MLLT10: variants seen among roughly 807,000 people sequenced by gnomAD.
MLLT10 encodes the protein MLLT10 histone lysine methyltransferase DOT1L cofactor.
In MLLT10, 30 loss-of-function variants were observed where a neutral mutation model predicts 129.1. The ratio of observed to expected loss-of-function variants is 0.23; its 90% CI spans 0.17 to 0.32. MLLT10 has a LOEUF of 0.32. Ranked by LOEUF, MLLT10 falls within the 10% of genes least tolerant of loss-of-function variation. The probability of loss-of-function intolerance (pLI) is 1.00; values close to 1 mark genes in which losing one functional copy is unlikely to be tolerated. For missense variants in MLLT10, 1,119 were observed against 1,268.3 expected, an observed-to-expected ratio of 0.88 and a Z score of 1.79; for synonymous variants, 490 against 446.4, an observed-to-expected ratio of 1.10 and a Z score of -1.23.
At chr10:21,703,694 A>G (rs1465891372) in intron 13 of MLLT10, among the ~76,000 whole-genome samples, 2 of 151,888 alleles carry the variant, frequency 1.3e-5, no homozygotes, top group African/African-American at 4.8e-5. Context: ...ACAGGTGTGC[A>G]CCACTACCAC....
intron 3 of MLLT10, among the ~76,000 whole-genome samples, chr10:21,547,527 C>CTTTTT (rs869057298): frequency 7.4e-6 from 1 of 135,144 alleles, no homozygotes; most frequent in Non-Finnish European, 1.6e-5. Context: ...CTGTTTTTTT[C>CTTTTT]TTTTTTTTTT....
chr10:21,703,028 T>G (rs1489879225), intron 13 of MLLT10, among the ~76,000 whole-genome samples: 2 of 152,168 alleles, frequency 1.3e-5, no homozygotes, highest in African/African-American at 4.8e-5. Flanking sequence ...TTTGTGGTTT[T>G]CTGTAGGGGT....
At chr10:21,613,394 T>C (rs1201196952) in intron 6 of MLLT10, among the ~76,000 whole-genome samples, 1 of 152,148 alleles carries the variant, frequency 6.6e-6, no homozygotes, top group African/African-American at 2.4e-5. Flanking sequence ...GTTTTTAGTG[T>C]GTAGTTATAT....
At chr10:21,657,534 C>T (rs1164668011) in intron 9 of MLLT10, among the ~76,000 whole-genome samples, 3 of 151,686 alleles carry the variant, frequency 2.0e-5, no homozygotes, top group African/African-American at 7.3e-5. Context: ...ACAAATTGAA[C>T]CTCACAGCTT....
intron 3 of MLLT10, among the ~76,000 whole-genome samples, chr10:21,560,492 A>C (rs538379486): frequency 6.6e-6 from 1 of 152,136 alleles, no homozygotes; most frequent in African/African-American, 2.4e-5. Context: ...ATTGAAGTGC[A>C]GTGGCTTAAA....
chr10:21,610,975 CTT>C (rs1308309662), intron 5 of MLLT10, among the ~76,000 whole-genome samples: 2 of 108,346 alleles, frequency 1.8e-5, no homozygotes, highest in African/African-American at 6.5e-5. Context: ...GTTTTTCTTT[CTT>C]TTTTCTCTTT....
chr10:21,721,724 G>A (rs1258885876), intron 14 of MLLT10, among the ~76,000 whole-genome samples: 2 of 152,026 alleles, frequency 1.3e-5, no homozygotes, highest in East Asian at 1.9e-4. Context: ...ACTTGCAGAC[G>A]TTTAATATAT....
intron 3 of MLLT10, among the ~76,000 whole-genome samples, chr10:21,542,703 A>G (rs1368403846): frequency 6.6e-6 from 1 of 152,186 alleles, no homozygotes; most frequent in Non-Finnish European, 1.5e-5. Flanking sequence ...AGCCTGGACA[A>G]CATAGTGAGA....
At position 21,580,389 on chromosome 10, in the gene MLLT10, A is replaced by ATT. The variant is rs113206788; in HGVS notation, c.241-5890_241-5889dup. Among the ~76,000 whole-genome samples the ATT allele has an allele frequency of 3.1e-3, 401 of 129,662 alleles. 4 individuals are homozygous for ATT. Among genetic ancestry groups the ATT allele is most frequent in the Middle Eastern group, 4.2e-3 (1 of 238 alleles). The allele number at this position is 129,662 out of a possible 152,430, so 85.1% of individuals were successfully genotyped here. A position where few individuals can be genotyped will look rare whatever the true frequency, so the allele number is the denominator to read the frequency against. On this transcript the variant is annotated intron_variant, in intron 3 of 22. Transcript: ENST00000307729. The stretch of plus-strand genomic sequence containing the variant: ...ACAGTCCTATTAATATATTTTGTGT[A>ATT]TTTTTTTTTTTTTTTTCGAGATGGA...
Position 21,726,681 on chromosome 10 carries a change from C to CTTTTTTT in MLLT10, c.1990+345_1990+351dup, listed in dbSNP as rs35036202. On this transcript the variant is annotated intron_variant, in intron 15 of 22. Transcript: ENST00000307729. ...TGCTGTGCTGCAAAATAGCAATGTC[C>CTTTTTTT]TTTTTTTTTTTTTTTTTTTTTTTTT... Among the ~76,000 whole-genome samples, 712 of 87,582 alleles carry CTTTTTTT rather than the reference C, an allele frequency of 8.1e-3. 1 individual carries two copies. The highest frequency in any genetic ancestry group is 0.018 in the East Asian group (38 of 2,160). The allele number at this position is 87,582 out of a possible 152,430, so 57.5% of individuals were successfully genotyped here.
intron 16 of MLLT10, 68 bp downstream of exon 16, chr10:21,727,996 C>T: frequency 7.7e-7 from 1 of 1,293,214 alleles, no homozygotes; most frequent in South Asian, 1.3e-5. Context: ...TTTCTTATCT[C>T]ATATCAGTAG....
Position 21,673,507 on chromosome 10 carries a change from G to A in MLLT10, c.1209G>A (p.Glu403=), listed in dbSNP as rs781599601. The change falls in exon 11 of 23, where the codon GAG becomes GAA. Residue 403 remains glutamate, a synonymous_variant. Coordinates refer to ENST00000307729, the MANE Select transcript of MLLT10 (RefSeq NM_001195626.3). ...CAACCAAAGATGTACATAAAGGAGAGTCTGGAAGCCAGGAAGGGGGGGTAA... is the reference window on the plus strand; with the variant it reads ...CAACCAAAGATGTACATAAAGGAGAATCTGGAAGCCAGGAAGGGGGGGTAA... ...SSATKDVHKG[E]SGSQEGGVNS... 1.2e-6 allele frequency: 2 copies of A among 1,613,718 alleles called. No individual in the cohort carries two copies. Among genetic ancestry groups the A allele is most frequent in the South Asian group, 1.1e-5 (1 of 91,038 alleles).
rs142429585 is a variant in MLLT10 at position 21,643,322 on chromosome 10, C to T, written c.700-8351C>T. Among the ~76,000 whole-genome samples, 93 of 152,284 alleles carry T rather than the reference C, an allele frequency of 6.1e-4. No homozygotes were observed. In the East Asian group the frequency reaches 0.017, roughly 27 times the overall value. The stretch of plus-strand genomic sequence containing the variant: ...TACTGGGGTTACAGGTGTGAGCCAC[C>T]GCGCCCTGACAGGGTTGTTTGTTTT... On this transcript the variant is annotated intron_variant, in intron 8 of 22. Transcript: ENST00000307729.
rs780540037 is a variant in MLLT10 at position 21,713,729 on chromosome 10, T to G, written c.1700-43T>G. The G allele has an allele frequency of 2.6e-6, 4 of 1,555,516 alleles. No homozygotes were observed. The African/African-American group carries it at 4.1e-5, about 16-fold the overall frequency. On this transcript the variant is annotated intron_variant, in intron 13 of 22. Coordinates refer to ENST00000307729, the MANE Select transcript of MLLT10 (RefSeq NM_001195626.3). ...CTGATTATGTGTGTCTGTGACAAATTTGACTGCTAAGTTATATTTAAATAA... is the reference window on the plus strand; with the variant it reads ...CTGATTATGTGTGTCTGTGACAAATGTGACTGCTAAGTTATATTTAAATAA...
At chr10:21,681,199 T>C (rs2052704188) in intron 11 of MLLT10, 133 bp from the exon 12 acceptor site, 1 of 1,087,916 alleles carries the variant, frequency 9.2e-7, no homozygotes, top group Non-Finnish European at 1.4e-6. Context: ...AATTTTTGTT[T>C]TTGAAGTTCT....
chr10:21,557,189 C>G (rs2038143470), intron 3 of MLLT10: 2 of 1,288,276 alleles, frequency 1.6e-6, no homozygotes, highest in Non-Finnish European at 2.0e-6. Flanking sequence ...TCTTCAAATG[C>G]CTACTGTGTT....
chr10:21,697,099 C>CAAAAAAAA (rs1163740638), intron 13 of MLLT10, among the ~76,000 whole-genome samples: 3 of 82,658 alleles, frequency 3.6e-5, no homozygotes, highest in African/African-American at 9.6e-5. Context: ...CTGATTTAAG[C>CAAAAAAAA]AAAAAAAAAA....
chr10:21,681,588 ATTG>A (rs770582645), intron 12 of MLLT10, among the ~76,000 whole-genome samples: 88 of 152,288 alleles, frequency 5.8e-4, no homozygotes, highest in Non-Finnish European at 1.1e-3. Context: ...AATTTTAATT[ATTG>A]TTGGTCTTTT....
intron 15 of MLLT10, 82 bp from the exon 16 acceptor site, chr10:21,727,772 GTT>G: frequency 2.9e-6 from 3 of 1,036,514 alleles, no homozygotes; most frequent in Non-Finnish European, 4.4e-6. Context: ...TTTAATGTAT[GTT>G]TTAGGAAAAA....
Sources: gnomAD v4.1 joint callset for allele counts (sites outside exome capture counted in the v4.1 genomes callset) on GRCh38, gnomAD v4.1.1 for gene constraint, MANE v1.5 for transcripts, NCBI Gene and HGNC (gene_info 2026-07-23, HGNC 2026-07-21) for gene names.